Variants in SULF1 observed in about 807,000 individuals in gnomAD.
SULF1 encodes the protein extracellular sulfatase Sulf-1.
A neutral mutation model predicts 110.5 loss-of-function variants in SULF1; 46 were observed. That is an observed-to-expected ratio of 0.42 (90% CI 0.33 to 0.53). The LOEUF (loss-of-function observed/expected upper bound fraction) is 0.53, where lower values mean the gene tolerates loss of function less well. Among genes scored for constraint, SULF1 ranks in the 20% least tolerant of loss-of-function variants. The pLI is 0.12. For synonymous variants in SULF1, 371 were observed against 387.1 expected, an observed-to-expected ratio of 0.96 and a Z score of 0.49; for missense variants, 941 against 1,094.2, an observed-to-expected ratio of 0.86 and a Z score of 1.98.
chr8:69,629,368 T>G, intron 18 of SULF1, 136 bp from the exon 19 acceptor site: 1 of 875,790 alleles, frequency 1.1e-6, no homozygotes, highest in Non-Finnish European at 1.7e-6. Context: ...TTTAAGTCCC[T>G]CTATACAAAA....
At chr8:69,496,851 CA>C (rs1810397097) in intron 2 of SULF1, among the ~76,000 whole-genome samples, 1 of 152,240 alleles carries the variant, frequency 6.6e-6, no homozygotes, top group Admixed American at 6.5e-5. Flanking sequence ...TGAAGTTCCC[CA>C]GACACCTGAG....
At chr8:69,646,283 G>C (rs565902213) in intron 22 of SULF1, among the ~76,000 whole-genome samples, 68 of 152,256 alleles carry the variant, frequency 4.5e-4, no homozygotes, top group African/African-American at 1.6e-3. Context: ...GTCAGTTCTG[G>C]CTCCATCACT....
At chr8:69,524,060 C>T (rs1163650928) in intron 3 of SULF1, among the ~76,000 whole-genome samples, 2 of 151,802 alleles carry the variant, frequency 1.3e-5, no homozygotes, top group African/African-American at 2.4e-5. Context: ...TAGGGTCAGT[C>T]AATAACTAGG....
intron 3 of SULF1, among the ~76,000 whole-genome samples, chr8:69,524,490 CTCACT>C: frequency 1.3e-5 from 2 of 152,276 alleles, no homozygotes; most frequent in East Asian, 3.9e-4. Context: ...AAAGCAAGAA[CTCACT>C]CATTCCCATG....
chr8:69,507,057 A>G (rs768131817), intron 3 of SULF1, among the ~76,000 whole-genome samples: 5 of 152,200 alleles, frequency 3.3e-5, no homozygotes, highest in Non-Finnish European at 5.9e-5. Context: ...GAATCATTCC[A>G]TCCAGTGCTG....
At chr8:69,560,059 G>A (rs540096018) in intron 3 of SULF1, among the ~76,000 whole-genome samples, 59 of 152,242 alleles carry the variant, frequency 3.9e-4, no homozygotes, top group African/African-American at 1.3e-3. Flanking sequence ...AAATAGTTCT[G>A]ACCTCATGAA....
chr8:69,587,721 G>T (rs952293783), intron 7 of SULF1, among the ~76,000 whole-genome samples: 1 of 152,298 alleles, frequency 6.6e-6, no homozygotes, highest in African/African-American at 2.4e-5. Context: ...GCTGTCTGTA[G>T]GGATGCTTTT....
At chr8:69,658,231 A>G (rs16936232) in intron 22 of SULF1, among the ~76,000 whole-genome samples, 3,108 of 152,294 alleles carry the variant, frequency 0.02, 62 homozygotes, top group South Asian at 0.11. Flanking sequence ...AGTGAAACCC[A>G]AATCCCCTGG....
chr8:69,490,626 G>C (rs543925959), upstream of SULF1, among the ~76,000 whole-genome samples: 10 of 152,084 alleles, frequency 6.6e-5, no homozygotes, highest in Admixed American at 6.6e-4. Flanking sequence ...AAAGCCTAAA[G>C]CTTGTTGGAA....
intron 13 of SULF1, among the ~76,000 whole-genome samples, chr8:69,614,436 G>A (rs1808919618): frequency 6.6e-6 from 1 of 152,202 alleles, no homozygotes; most frequent in Non-Finnish European, 1.5e-5. Context: ...AATTCATAAA[G>A]AGTGCTCTAG....
chr8:69,519,514 A>G (rs536672269), intron 3 of SULF1, among the ~76,000 whole-genome samples: 2 of 152,310 alleles, frequency 1.3e-5, no homozygotes, highest in Non-Finnish European at 1.5e-5. Context: ...GGTTAGTTCT[A>G]TGCTAACCTT....
In SULF1 at chr8:69,608,826, G is replaced by A. The variant is rs572647783; in HGVS notation, c.1377+3894G>A. ...ACATATGTGTTTGCATTACTTCCAC[G>A]TTCCTGAATTAATATGAGATGGAGT... On this transcript the variant is annotated intron_variant, in intron 13 of 22. Transcript: ENST00000402687. 3.9e-5 allele frequency among the ~76,000 whole-genome samples: 6 copies of A among 152,232 alleles called. No homozygotes were observed. In the South Asian group the frequency reaches 6.2e-4, roughly 16 times the overall value.
At chr8:69,576,318 AT>A in intron 6 of SULF1, 109 bp downstream of exon 6, 1 of 1,351,204 alleles carries the variant, frequency 7.4e-7, no homozygotes, top group Non-Finnish European at 1.0e-6. Flanking sequence ...CTAAAAAAGG[AT>A]CAAGTGTTTT....
intron 2 of SULF1, among the ~76,000 whole-genome samples, chr8:69,499,925 T>C (rs1416604571): frequency 1.3e-5 from 2 of 152,020 alleles, no homozygotes; most frequent in Non-Finnish European, 2.9e-5. Context: ...AGTTTTTAAA[T>C]TTTTTGGTTG....
At position 69,647,151 on chromosome 8, in the gene SULF1, G is replaced by A. The variant is rs1277647713; in HGVS notation, c.2585+6310G>A. ...GTAGAGATGGGGTTTCACCATGTTC[G>A]TCAGGCTGGTCTCGAACTCCTGCTC... is the stretch of plus-strand genomic sequence containing the variant. On this transcript the variant is annotated intron_variant, in intron 22 of 22. Transcript: ENST00000402687. 1.2e-4 allele frequency among the ~76,000 whole-genome samples: 18 copies of A among 151,646 alleles called. 1 individual carries two copies. Among genetic ancestry groups the A allele is most frequent in the Admixed American group, 9.2e-4 (14 of 15,236 alleles).
At chr8:69,636,436 C>T (rs1811019061) in intron 19 of SULF1, among the ~76,000 whole-genome samples, 1 of 151,774 alleles carries the variant, frequency 6.6e-6, no homozygotes, top group South Asian at 2.1e-4. Flanking sequence ...ACTTGGGAGG[C>T]TGAGGAAGGA....
intron 7 of SULF1, among the ~76,000 whole-genome samples, chr8:69,587,357 G>A (rs919013069): frequency 2.0e-5 from 3 of 152,076 alleles, no homozygotes; most frequent in Admixed American, 1.3e-4. Context: ...GGTAGAAATC[G>A]GAAGGAGAGA....
chr8:69,576,806 T>C (rs1157518764), intron 6 of SULF1, among the ~76,000 whole-genome samples: 4 of 152,270 alleles, frequency 2.6e-5, no homozygotes, highest in Admixed American at 2.0e-4. Context: ...GTAGAAGGGC[T>C]ACAGTGCAGA....
At chr8:69,511,464 G>A (rs932459389) in intron 3 of SULF1, among the ~76,000 whole-genome samples, 1 of 152,294 alleles carries the variant, frequency 6.6e-6, no homozygotes, top group Non-Finnish European at 1.5e-5. Context: ...CTCTGGTCTA[G>A]CATCTCCCCT....
Sources: allele counts gnomAD v4.1 joint callset (sites outside exome capture counted in the v4.1 genomes callset), GRCh38; gene constraint gnomAD v4.1.1; transcripts MANE v1.5; gene names NCBI Gene and HGNC (gene_info 2026-07-23, HGNC 2026-07-21).